Variants in TBX1 observed in about 807,000 individuals in gnomAD.
TBX1 encodes T-box transcription factor TBX1.
In TBX1, 16 loss-of-function variants were observed where a neutral mutation model predicts 40.8. The ratio of observed to expected loss-of-function variants is 0.39; its 90% confidence interval spans 0.27 to 0.60. The LOEUF (loss-of-function observed/expected upper bound fraction) is 0.60. Among genes scored for constraint, TBX1 ranks in the 20% least tolerant of loss-of-function variants. The probability of loss-of-function intolerance (pLI) is 0.51; values close to 1 mark genes in which losing one functional copy is unlikely to be tolerated. For synonymous variants in TBX1, 403 were observed against 336.8 expected, an observed-to-expected ratio of 1.20 and a Z score of -2.15; for missense variants, 755 against 728.5, an observed-to-expected ratio of 1.04 and a Z score of -0.42.
At chr22:19,779,168 C>G in intron 8 of TBX1, 3 of 1,599,032 alleles carry the variant, frequency 1.9e-6, no homozygotes, top group Admixed American at 3.3e-5. Context: ...AAAAGAGAGG[C>G]ACCTCTGACA....
At chr22:19,757,927 C>T (rs922263110), upstream of TBX1, among the ~76,000 whole-genome samples, 10 of 152,214 alleles carry the variant, frequency 6.6e-5, no homozygotes, top group Admixed American at 3.3e-4. Flanking sequence ...GCCCACAAAG[C>T]TCCAGCTGCA....
chr22:19,759,517 T>G (rs1936570205), upstream of TBX1: 6 of 1,521,432 alleles, frequency 3.9e-6, no homozygotes, highest in Non-Finnish European at 4.4e-6. Flanking sequence ...GCCCGCTGTC[T>G]CCCCGAGCCA....
chr22:19,780,460 A>G (rs531168873), downstream of TBX1, among the ~76,000 whole-genome samples: 1 of 152,290 alleles, frequency 6.6e-6, no homozygotes, highest in South Asian at 2.1e-4. Flanking sequence ...CTGCCTTTAT[A>G]AGGCTGAACA....
Position 19,760,899 on chromosome 22 carries a change from T to G in TBX1, c.56T>G (p.Val19Gly). Residue 19 changes from valine to glycine, a missense_variant, in exon 1 of 7, where the codon GTT (valine) becomes GGT (glycine). By Grantham distance (109) the Val-to-Gly change is moderately radical. Around this residue, in one of 3 missense-constraint regions of TBX1, gnomAD observed 199 missense variants for 173.0 expected, o/e 1.15. Transcript: ENST00000649276. ...ACGCAGCTCTCGCATTTCTGCGACGTTGCAGCCTTCACGGCCAGCAGCCTG... is the reference window on the plus strand; with the variant it reads ...ACGCAGCTCTCGCATTTCTGCGACGGTGCAGCCTTCACGGCCAGCAGCCTG... ...WLTQLSHFCD[V>G]AAFTASSLSS... 1 of 1,058,328 alleles carries G rather than the reference T, an allele frequency of 9.4e-7. No individual in the cohort carries two copies. The highest frequency in any genetic ancestry group is 1.2e-6 in the Non-Finnish European group (1 of 867,110). The allele number at this position is 1,058,328 out of a possible 1,614,324, so 65.6% of individuals were successfully genotyped here. A position where few individuals can be genotyped will look rare whatever the true frequency, so the allele number is the denominator to read the frequency against.
downstream of TBX1, among the ~76,000 whole-genome samples, chr22:19,772,114 G>GT (rs1936999272): frequency 6.6e-6 from 1 of 152,094 alleles, no homozygotes; most frequent in Non-Finnish European, 1.5e-5. Flanking sequence ...TTTTTTGTTT[G>GT]TTTTTTGAGA....
At chr22:19,759,700 C>A (rs780237885), upstream of TBX1, 1 of 1,611,086 alleles carries the variant, frequency 6.2e-7, no homozygotes, top group African/African-American at 1.3e-5. Flanking sequence ...GCCGTGTCTA[C>A]ACTGGCCCGC....
intron 3 of TBX1, 48 bp downstream of exon 3, chr22:19,764,374 C>T: frequency 3.2e-6 from 5 of 1,561,134 alleles, no homozygotes; most frequent in Non-Finnish European, 2.6e-6. Flanking sequence ...GGCCTCGAGT[C>T]CCGAGGCACC....
intron 8 of TBX1, among the ~76,000 whole-genome samples, chr22:19,773,093 A>C (rs907865605): frequency 3.9e-5 from 6 of 152,250 alleles, no homozygotes; most frequent in African/African-American, 1.4e-4. Context: ...TTCAGAGCTT[A>C]CGAGCACGGG....
chr22:19,780,774 C>CTTTTTT (rs1569032654), downstream of TBX1, among the ~76,000 whole-genome samples: 1 of 109,518 alleles, frequency 9.1e-6, no homozygotes, highest in African/African-American at 4.0e-5. Context: ...CACTTGTTTT[C>CTTTTTT]TGTTTTTTTT....
rs762076391 is a variant in TBX1, at chr22:19,766,836, C to A, written c.1484C>A (p.Pro495Gln). Reference sequence around the variant, plus strand: ...ATGTACTCGTCGGCCGGAGCCGCGCCGCCCGGCTCCTACGACTATTGCCCC... The same window carrying A: ...ATGTACTCGTCGGCCGGAGCCGCGCAGCCCGGCTCCTACGACTATTGCCCC... Reference protein sequence around the residue: ...ANMYSSAGAAPPGSYDYCPR With the variant: ...ANMYSSAGAAQPGSYDYCPR Residue 495 changes from proline (P) to glutamine (Q), a missense_variant, in exon 7 of 7, where the codon CCG becomes CAG. Pro to Gln is a moderately conservative substitution (Grantham distance 76, BLOSUM62 -1). Around this residue, in one of 3 missense-constraint regions of TBX1, gnomAD observed 412 missense variants for 317.6 expected, o/e 1.30. Transcript: ENST00000649276. 36 of 1,569,900 alleles carry A rather than the reference C, an allele frequency of 2.3e-5. No homozygotes were observed. Among genetic ancestry groups the A allele is most frequent in the African/African-American group, 2.0e-4 (14 of 71,358 alleles).
At chr22:19,761,579 A>T (rs1601284293) in intron 1 of TBX1, among the ~76,000 whole-genome samples, 2 of 151,874 alleles carry the variant, frequency 1.3e-5, no homozygotes, top group East Asian at 1.9e-4. Context: ...CAGCCCCAGG[A>T]CGCCGCGCGG....
chr22:19,759,475 G>A, upstream of TBX1: 1 of 1,439,094 alleles, frequency 6.9e-7, no homozygotes, highest in Non-Finnish European at 9.0e-7. Flanking sequence ...GGCGGCGCCG[G>A]CCAGGCCGCC....
At chr22:19,782,321 T>A (rs1191728705), downstream of TBX1, among the ~76,000 whole-genome samples, 5 of 152,230 alleles carry the variant, frequency 3.3e-5, no homozygotes, top group Non-Finnish European at 5.9e-5. Flanking sequence ...ATGTTTTAAT[T>A]TCTTTCAGCA....
chr22:19,782,829 C>T (rs1937154559), downstream of TBX1: 2 of 1,611,388 alleles, frequency 1.2e-6, no homozygotes, highest in East Asian at 4.5e-5. Context: ...GAAACAAGGA[C>T]AAGCCTTATT....
chr22:19,765,146 CAACG>C (rs1175605530), intron 4 of TBX1, 33 bp downstream of exon 4: 10 of 1,613,806 alleles, frequency 6.2e-6, no homozygotes, highest in African/African-American at 1.3e-5. Flanking sequence ...TGAGCGGATT[CAACG>C]CCTCTGGAAA....
chr22:19,760,941 C>CG lies in TBX1; in HGVS notation c.104dup (p.Phe36LeufsTer142). ...AGCAGCCTGAGCAGCCTGGGGGCCG[C>CG]GGGGGGCTTCCCGGGCGCCGCGTCG... is the stretch of plus-strand genomic sequence containing the variant. On this transcript the variant is annotated frameshift_variant, in exon 1 of 7. Transcript: ENST00000649276. LOFTEE classifies it high-confidence loss of function. 3 of 1,009,060 alleles carry CG rather than the reference C, an allele frequency of 3.0e-6. No individual in the cohort carries two copies. Among genetic ancestry groups the CG allele is most frequent in the Admixed American group, 5.7e-5 (1 of 17,620 alleles). 62.5% of individuals were successfully genotyped at this position (1,009,060 alleles called of 1,614,324 possible). A position where few individuals can be genotyped will look rare whatever the true frequency, so the allele number is the denominator to read the frequency against.
chr22:19,766,800 C>A lies in TBX1; in HGVS notation c.1448C>A (p.Ala483Glu). Reference protein sequence around the residue: ...AAAAAAAAAAAAANMYSSAGA... With the variant: ...AAAAAAAAAAEAANMYSSAGA... ...GCCGCCGCCGCTGCCGCAGCTGCCG[C>A]GGCCGCCAACATGTACTCGTCGGCC... The change falls in exon 7 of 7, where the codon GCG becomes GAG. Residue 483 changes from alanine (A) to glutamate (E), a missense_variant. Coordinates refer to ENST00000649276, the MANE Select transcript of TBX1 (RefSeq NM_001379200.1). 1 of 1,522,610 alleles carries A rather than the reference C, an allele frequency of 6.6e-7. No individual in the cohort carries two copies. The highest frequency in any genetic ancestry group is 1.2e-5 in the South Asian group (1 of 81,230). 94.3% of individuals were successfully genotyped at this position (1,522,610 alleles called of 1,614,324 possible).
At chr22:19,764,026 C>A in intron 2 of TBX1, 129 bp from the exon 3 acceptor site, 4 of 1,004,108 alleles carry the variant, frequency 4.0e-6, no homozygotes, top group South Asian at 1.5e-5. Flanking sequence ...CCAGCACATG[C>A]GGCAGCAGAG....
intron 4 of TBX1, 27 bp downstream of exon 4, chr22:19,765,140 C>G: frequency 6.2e-7 from 1 of 1,613,974 alleles, no homozygotes; most frequent in Non-Finnish European, 8.5e-7. Context: ...AGGACCTGAG[C>G]GGATTCAACG....
Sources: allele counts gnomAD v4.1 joint callset (sites outside exome capture counted in the v4.1 genomes callset), GRCh38; gene constraint gnomAD v4.1.1; regional missense constraint gnomAD v4.1.1; transcripts MANE v1.5; gene names NCBI Gene and HGNC (gene_info 2026-07-23, HGNC 2026-07-21).